The following LPL variants were observed in gnomAD, a reference collection of about 807,000 sequenced individuals.
LPL encodes lipoprotein lipase, also known as phospholipase A1.
A neutral mutation model predicts 52.2 loss-of-function variants in LPL; 43 were observed. The observed-to-expected ratio is 0.82, with a 90% CI of 0.64 to 1.06. The LOEUF is 1.06. Among genes scored for constraint, LPL ranks in the 50% least tolerant of loss-of-function variants. The pLI is 0.00. For missense variants in LPL, 639 were observed against 585.3 expected, an observed-to-expected ratio of 1.09 and a Z score of -0.95; for synonymous variants, 244 against 215.6, an observed-to-expected ratio of 1.13 and a Z score of -1.15.
chr8:19,955,704 C>A (rs896520668), intron 5 of LPL, 137 bp from the exon 6 acceptor site: 5 of 1,156,368 alleles, frequency 4.3e-6, no homozygotes, highest in African/African-American at 3.0e-5. Context: ...ATAGGGCCTA[C>A]AATCATAAAT....
At chr8:19,941,289 C>G (rs569778516) in intron 1 of LPL, among the ~76,000 whole-genome samples, 4 of 152,292 alleles carry the variant, frequency 2.6e-5, no homozygotes, top group African/African-American at 7.2e-5. Flanking sequence ...ATGGTAGGAG[C>G]CAACTCCAAA....
intron 8 of LPL, 25 bp from the exon 9 acceptor site, chr8:19,962,090 T>C (rs1476228391): frequency 6.8e-7 from 1 of 1,476,224 alleles, no homozygotes; most frequent in African/African-American, 1.4e-5. Context: ...CTACATGGCA[T>C]ATTCACATCC....
intron 5 of LPL, 91 bp from the exon 6 acceptor site, chr8:19,955,750 C>T (rs1403031135): frequency 3.3e-6 from 5 of 1,504,620 alleles, no homozygotes; most frequent in African/African-American, 1.4e-5. Context: ...TCTACTCTAA[C>T]ACCACATCTC....
intron 2 of LPL, among the ~76,000 whole-genome samples, chr8:19,948,653 G>A (rs2069904692): frequency 6.6e-6 from 1 of 152,092 alleles, no homozygotes; most frequent in East Asian, 1.9e-4. Context: ...GTGGGGAACC[G>A]GTGGAACCCT....
intron 2 of LPL, among the ~76,000 whole-genome samples, chr8:19,948,690 T>C (rs577489760): frequency 6.6e-6 from 1 of 152,046 alleles, no homozygotes; most frequent in Non-Finnish European, 1.5e-5. Flanking sequence ...ACCCAGCACA[T>C]TGCCAGGAGA....
intron 2 of LPL, among the ~76,000 whole-genome samples, chr8:19,951,327 AC>A (rs576633170): frequency 2.0e-4 from 31 of 152,170 alleles, no homozygotes; most frequent in Non-Finnish European, 4.0e-4. Context: ...AAAGCCAACT[AC>A]AAAGGGTGCC....
chr8:19,954,104 T>C lies in LPL; in HGVS notation c.542-16T>C. ...GAAATTTACAAATCTGTGTTCCTGC[T>C]TTTTTCCCTTTTAAGGCCTCGATCC... On this transcript the variant is annotated splice_polypyrimidine_tract_variant and intron_variant, in intron 4 of 9. Coordinates refer to ENST00000650287, the MANE Select transcript of LPL (RefSeq NM_000237.3). 6.3e-7 allele frequency: 1 copy of C among 1,587,652 alleles called. No homozygotes were observed. Among genetic ancestry groups the C allele is most frequent in the Non-Finnish European group, 8.7e-7 (1 of 1,155,758 alleles).
At position 19,951,381 on chromosome 8, in the gene LPL, G is replaced by A. The variant is rs114236319; in HGVS notation, c.250-388G>A. 6.3e-3 allele frequency among the ~76,000 whole-genome samples: 964 copies of A among 152,270 alleles called. 10 individuals carry two copies. Among genetic ancestry groups the A allele is most frequent in the African/African-American group, 0.022 (928 of 41,552 alleles). The stretch of plus-strand genomic sequence containing the variant: ...AGGGAGGCGAAGGTGAGTGGGACTG[G>A]ACCAATTCAACAGGGTTCTGCTCCT... On this transcript the variant is annotated intron_variant, in intron 2 of 9. Coordinates refer to ENST00000650287, the MANE Select transcript of LPL (RefSeq NM_000237.3).
Position 19,954,247 on chromosome 8 carries a change from C to T in LPL, c.669C>T (p.Ile223=). ...TRGSPGRSIG[I]QKPVGHVDIY... is the part of the protein sequence containing the mutation. ...GGTCCCCTGGTCGAAGCATTGGAAT[C>T]CAGAAACCAGTTGGGCATGTTGACA... Residue 223 remains isoleucine (I), a synonymous_variant, in exon 5 of 10, where the codon ATC becomes ATT. Coordinates refer to ENST00000650287, the MANE Select transcript of LPL (RefSeq NM_000237.3). The T allele has an allele frequency of 6.2e-7, 1 of 1,614,146 alleles. No homozygotes were observed. Among genetic ancestry groups the T allele is most frequent in the Non-Finnish European group, 8.5e-7 (1 of 1,180,030 alleles).
In LPL at chr8:19,939,352, C is replaced by G; in HGVS notation, c.-89C>G. The G allele has an allele frequency of 7.6e-7, 1 of 1,319,344 alleles. No individual in the cohort carries two copies. Among genetic ancestry groups the G allele is most frequent in the South Asian group, 1.3e-5 (1 of 79,386 alleles). The allele number at this position is 1,319,344 out of a possible 1,614,324, so 81.7% of individuals were successfully genotyped here. On this transcript the variant is annotated 5_prime_UTR_variant, in exon 1 of 10. Transcript: ENST00000650287. The surrounding 1 kb of genome is among the most constrained non-coding windows in gnomAD (Gnocchi z 4.0). ...AAAGGGCGACTTGCTCAGCGCCAAA[C>G]CGCGGCTCCAGCCCTCTCCAGCCTC...
At position 19,939,387 on chromosome 8, in the gene LPL, C is replaced by T. The variant is rs2069808440; in HGVS notation, c.-54C>T. The T allele has an allele frequency of 6.5e-7, 1 of 1,538,050 alleles. No homozygotes were observed. The highest frequency in any genetic ancestry group is 8.8e-7 in the Non-Finnish European group (1 of 1,133,204). On this transcript the variant is annotated 5_prime_UTR_variant, in exon 1 of 10. Transcript: ENST00000650287. The surrounding 1 kb of genome is among the most constrained non-coding windows in gnomAD (Gnocchi z 4.0). Reference sequence around the variant, plus strand: ...AGCCCTCTCCAGCCTCCGGCTCAGCCGGCTCATCAGTCGGTCCGCGCCTTG... The same window carrying T: ...AGCCCTCTCCAGCCTCCGGCTCAGCTGGCTCATCAGTCGGTCCGCGCCTTG...
intron 9 of LPL, 52 bp downstream of exon 9, chr8:19,962,271 G>GAATGCAT: frequency 7.2e-7 from 1 of 1,397,440 alleles, no homozygotes; most frequent in Non-Finnish European, 1.0e-6. Context: ...GCACCCTAAG[G>GAATGCAT]GAGGCAGCTT....
At position 19,950,636 on chromosome 8, in the gene LPL, C is replaced by A. The variant is rs2069925483; in HGVS notation, c.250-1133C>A. ...CCAACATGGGGAAACCCAATCTCTACTAAAAAAATACAAAAAAATTAGCCA... is the reference window on the plus strand; with the variant it reads ...CCAACATGGGGAAACCCAATCTCTAATAAAAAAATACAAAAAAATTAGCCA... On this transcript the variant is annotated intron_variant, in intron 2 of 9. Transcript: ENST00000650287. The surrounding 1 kb of genome is among the most constrained non-coding windows in gnomAD (Gnocchi z 4.2). Among the ~76,000 whole-genome samples the A allele has an allele frequency of 6.6e-6, 1 of 152,058 alleles. No individual in the cohort carries two copies.
In LPL at chr8:19,962,153, A is replaced by G; in HGVS notation, c.1361A>G (p.Gln454Arg). The G allele has an allele frequency of 6.2e-7, 1 of 1,613,932 alleles. No individual in the cohort carries two copies. The highest frequency in any genetic ancestry group is 8.5e-7 in the Non-Finnish European group (1 of 1,179,848). ...TCTAGGGAGAAAGTGTCTCATTTGC[A>G]GAAAGGAAAGGCACCTGCGGTATTT... is the stretch of plus-strand genomic sequence containing the variant. The part of the protein sequence containing the change: ...FCSREKVSHL[Q>R]KGKAPAVFVK... Residue 454 changes from glutamine to arginine, a missense_variant, in exon 9 of 10, where the codon CAG (glutamine) becomes CGG (arginine). By Grantham distance (43) the Gln-to-Arg change is conservative. Transcript: ENST00000650287.
At chr8:19,948,906 T>C (rs2069907034) in intron 2 of LPL, among the ~76,000 whole-genome samples, 3 of 151,796 alleles carry the variant, frequency 2.0e-5, no homozygotes, top group Non-Finnish European at 4.4e-5. Context: ...ATTTTCCAGT[T>C]GTAAACTTTA....
intron 2 of LPL, 100 bp from the exon 3 acceptor site, chr8:19,951,669 T>C (rs1590141448): frequency 1.5e-6 from 2 of 1,300,664 alleles, no homozygotes; most frequent in East Asian, 2.3e-5. Context: ...GGGTTTCCAA[T>C]CAAGTTTGTT....
intron 1 of LPL, chr8:19,946,504 T>C (rs2069883224): frequency 1.7e-5 from 4 of 240,646 alleles, no homozygotes; most frequent in South Asian, 7.9e-5. Flanking sequence ...GTTCTCACTA[T>C]GACACTCTTA....
intron 9 of LPL, among the ~76,000 whole-genome samples, chr8:19,963,015 G>A (rs1315892286): frequency 1.7e-4 from 26 of 152,290 alleles, no homozygotes. Flanking sequence ...GGAACAAAGG[G>A]GAGAAATATT....
At position 19,944,505 on chromosome 8, in the gene LPL, G is replaced by C. The variant is rs181663908; in HGVS notation, c.89-3675G>C. The stretch of plus-strand genomic sequence containing the variant: ...AACAGGAGAACAGAAATTCCAAAGA[G>C]AATTGCATTCTCATTGAGTTCTTGT... On this transcript the variant is annotated intron_variant, in intron 1 of 9. Transcript: ENST00000650287. This position sits in a 1 kb window ranked among gnomAD's most constrained non-coding sequence, Gnocchi z 4.2. Among the ~76,000 whole-genome samples the C allele has an allele frequency of 2.0e-3, 310 of 152,070 alleles. 1 individual carries two copies. Among genetic ancestry groups the C allele is most frequent in the Non-Finnish European group, 3.7e-3 (251 of 67,962 alleles).
Sources: gnomAD v4.1 joint callset for allele counts (sites outside exome capture counted in the v4.1 genomes callset) on GRCh38, gnomAD v4.1.1 for gene constraint, Gnocchi (gnomAD v3.1) non-coding constraint, MANE v1.5 for transcripts, NCBI Gene and HGNC (gene_info 2026-07-23, HGNC 2026-07-21) for gene names.